The following MS4A12 variants were observed in gnomAD, a reference collection of about 807,000 sequenced individuals.
MS4A12 encodes the protein membrane-spanning 4-domains subfamily A member 12.
Under a neutral mutation model 23.7 loss-of-function variants are expected in MS4A12, and 28 were observed. The observed-to-expected ratio is 1.18, with a 90% CI of 0.88 to 1.62. The LOEUF is 1.62. Ranked by LOEUF, MS4A12 falls within the 40% of genes most tolerant of loss-of-function variation. The pLI is 0.00. For synonymous variants in MS4A12, 108 were observed against 110.1 expected (o/e 0.98, Z 0.12); for missense variants, 342 against 327.0 (o/e 1.05, Z -0.35).
At chr11:60,498,477 G>A (rs1426985353) in intron 2 of MS4A12, among the ~76,000 whole-genome samples, 1 of 152,104 alleles carries the variant, frequency 6.6e-6, no homozygotes, top group Admixed American at 6.6e-5. Flanking sequence ...CCTCCTCCCA[G>A]ATAGAGGAAA....
chr11:60,505,243 A>C (rs1382815064), intron 5 of MS4A12, among the ~76,000 whole-genome samples: 1 of 152,028 alleles, frequency 6.6e-6, no homozygotes, highest in African/African-American at 2.4e-5. Context: ...GTGCAGGGCA[A>C]CTCCTGTTTT....
At chr11:60,494,996 ATT>A (rs11331718) in intron 1 of MS4A12, among the ~76,000 whole-genome samples, 171 of 141,162 alleles carry the variant, frequency 1.2e-3, no homozygotes, top group African/African-American at 2.7e-3. Context: ...ATGTGTTTAC[ATT>A]TTTTTTTTTT....
At chr11:60,506,249 C>T (rs1004354445) in intron 5 of MS4A12, among the ~76,000 whole-genome samples, 5 of 152,100 alleles carry the variant, frequency 3.3e-5, no homozygotes, top group Non-Finnish European at 7.4e-5. Flanking sequence ...GAATGATGCT[C>T]CTCTCTCTTG....
chr11:60,507,171 T>G lies in MS4A12; in HGVS notation c.*47T>G. 7.1e-7 allele frequency: 1 copy of G among 1,407,676 alleles called. No homozygotes were observed. The highest frequency in any genetic ancestry group is 1.0e-6 in the Non-Finnish European group (1 of 998,474). The allele number at this position is 1,407,676 out of a possible 1,614,324, so 87.2% of individuals were successfully genotyped here. ...TCTAATCTCATGGAGAAAAACTACT[T>G]GCAAAAACTTCTTAAGAAGATGTCT... On this transcript the variant is annotated 3_prime_UTR_variant, in exon 7 of 7. Transcript: ENST00000016913.
chr11:60,500,190 G>A (rs150872217), intron 2 of MS4A12, among the ~76,000 whole-genome samples: 3,281 of 148,688 alleles, frequency 0.022, 69 homozygotes, highest in South Asian at 0.031. Context: ...GCAGTGAGCC[G>A]AGATCATGCC....
At chr11:60,495,226 T>G (rs2086479497) in intron 1 of MS4A12, among the ~76,000 whole-genome samples, 1 of 151,448 alleles carries the variant, frequency 6.6e-6, no homozygotes, top group African/African-American at 2.4e-5. Context: ...ATGGTCTCGA[T>G]CTCCTGACCT....
At position 60,503,708 on chromosome 11, in the gene MS4A12, G is replaced by A. The variant is rs773888916; in HGVS notation, c.479G>A (p.Gly160Asp). ...SKELSRCLVK[G>D]SLGMNIVSSI... is the part of the protein sequence containing the mutation. ...TCCTGCCATCTCCATTAGGTGAAAGGCAGCCTGGGAATGAACATTGTTAGT... is the reference window on the plus strand; with the variant it reads ...TCCTGCCATCTCCATTAGGTGAAAGACAGCCTGGGAATGAACATTGTTAGT... Residue 160 changes from glycine (G) to aspartate (D), a missense_variant, in exon 5 of 7, where the codon GGC becomes GAC. Gly to Asp is a moderately conservative substitution (Grantham distance 94). Coordinates refer to ENST00000016913, the MANE Select transcript of MS4A12 (RefSeq NM_017716.3). The A allele has an allele frequency of 2.6e-5, 42 of 1,611,914 alleles. No individual in the cohort carries two copies. In the Admixed American group the frequency reaches 7.0e-4, roughly 27 times the overall value.
chr11:60,497,786 C>A, intron 2 of MS4A12, 192 bp downstream of exon 2: 1 of 637,518 alleles, frequency 1.6e-6, no homozygotes, highest in Non-Finnish European at 2.6e-6. Context: ...AAAAATATAA[C>A]AAGACACAGA....
At chr11:60,496,213 T>C (rs1269341126) in intron 1 of MS4A12, among the ~76,000 whole-genome samples, 1 of 152,202 alleles carries the variant, frequency 6.6e-6, no homozygotes, top group Non-Finnish European at 1.5e-5. Flanking sequence ...ATTGTACCAA[T>C]AGGTTATTCA....
At position 60,501,139 on chromosome 11, in the gene MS4A12, C is replaced by G; in HGVS notation, c.371C>G (p.Ser124Cys). Residue 124 changes from serine to cysteine, a missense_variant, in exon 3 of 7, where the codon TCT becomes TGT. Coordinates refer to ENST00000016913, the MANE Select transcript of MS4A12 (RefSeq NM_017716.3). ...TTTAGAGAAGTATTAGGTTTTGCCT[C>G]TACTGCTGTTATTGGTGGATACCCA... ...FSFREVLGFASTAVIGGYPFW... is the reference protein window; with the variant it reads ...FSFREVLGFACTAVIGGYPFW... 1 of 1,613,180 alleles carries G rather than the reference C, an allele frequency of 6.2e-7. No homozygotes were observed. The highest frequency in any genetic ancestry group is 8.5e-7 in the Non-Finnish European group (1 of 1,179,716).
rs995929642 is a variant in MS4A12 at position 60,495,424 on chromosome 11, A to T, written c.-6-1889A>T. ...TACAGGTTCTGGATTAAATTCTCTC[A>T]TTGTGAAATGGGGATTTTAGTAGAG... is the stretch of plus-strand genomic sequence containing the variant. On this transcript the variant is annotated intron_variant, in intron 1 of 6. Coordinates refer to ENST00000016913, the MANE Select transcript of MS4A12 (RefSeq NM_017716.3). 2.0e-5 allele frequency among the ~76,000 whole-genome samples: 3 copies of T among 151,632 alleles called. No individual in the cohort carries two copies. The South Asian group carries it at 6.3e-4, about 32-fold the overall frequency.
intron 1 of MS4A12, among the ~76,000 whole-genome samples, chr11:60,495,217 T>C (rs2086479383): frequency 6.6e-6 from 1 of 151,760 alleles, no homozygotes; most frequent in Non-Finnish European, 1.5e-5. Context: ...TTAGCCAGGA[T>C]GGTCTCGATC....
Position 60,507,340 on chromosome 11 carries a change from G to C in MS4A12, c.*216G>C, listed in dbSNP as rs1440883692. 1 of 495,966 alleles carries C rather than the reference G, an allele frequency of 2.0e-6. No homozygotes were observed. The highest frequency in any genetic ancestry group is 1.9e-5 in the African/African-American group (1 of 51,646). The allele number at this position is 495,966 out of a possible 1,614,324, so 30.7% of individuals were successfully genotyped here. On this transcript the variant is annotated 3_prime_UTR_variant, in exon 7 of 7. Transcript: ENST00000016913. Reference sequence around the variant, plus strand: ...ATGCTGGCAAAGGTGAAGGATCAGAGGACTGAAAAATGATTCTGCAACTCT... The same window carrying C: ...ATGCTGGCAAAGGTGAAGGATCAGACGACTGAAAAATGATTCTGCAACTCT...
At chr11:60,505,852 C>CA (rs1386006866) in intron 5 of MS4A12, among the ~76,000 whole-genome samples, 1 of 152,284 alleles carries the variant, frequency 6.6e-6, no homozygotes, top group African/African-American at 2.4e-5. Flanking sequence ...CTACTACCAG[C>CA]AGGGAATGAG....
intron 1 of MS4A12, among the ~76,000 whole-genome samples, chr11:60,494,547 T>A (rs2086473651): frequency 1.3e-5 from 2 of 152,222 alleles, no homozygotes; most frequent in Admixed American, 6.5e-5. Flanking sequence ...CCCTGTTCAA[T>A]TCCTTTTATA....
At chr11:60,494,660 C>A (rs1590858364) in intron 1 of MS4A12, among the ~76,000 whole-genome samples, 2 of 152,180 alleles carry the variant, frequency 1.3e-5, no homozygotes, top group East Asian at 3.8e-4. Context: ...ATGTGCTAGG[C>A]ACTGTTCCAA....
At chr11:60,497,796 A>G in intron 2 of MS4A12, 1 of 579,064 alleles carries the variant, frequency 1.7e-6, no homozygotes, top group Non-Finnish European at 2.9e-6. Context: ...CAAGACACAG[A>G]GGAGCCTCCC....
intron 5 of MS4A12, among the ~76,000 whole-genome samples, chr11:60,504,498 C>G (rs2086555723): frequency 6.6e-6 from 1 of 152,174 alleles, no homozygotes; most frequent in Admixed American, 6.5e-5. Flanking sequence ...CAATGGAAAA[C>G]CACAGAAGAG....
At chr11:60,500,053 C>CA (rs11408267) in intron 2 of MS4A12, among the ~76,000 whole-genome samples, 86,748 of 151,626 alleles carry the variant, frequency 0.57, 24,974 homozygotes, top group East Asian at 0.65. Context: ...TCCTGGCTAA[C>CA]CCGTGAAACC....
Sources: gnomAD v4.1 joint callset for allele counts (sites outside exome capture counted in the v4.1 genomes callset) on GRCh38, gnomAD v4.1.1 for gene constraint, MANE v1.5 for transcripts, NCBI Gene and HGNC (gene_info 2026-07-23, HGNC 2026-07-21) for gene names.